Variants in DRD2 observed in about 807,000 individuals in gnomAD.
The protein encoded by DRD2 is dopamine receptor D2.
A neutral mutation model predicts 38.0 loss-of-function variants in DRD2; 8 were observed. The ratio of observed to expected loss-of-function variants is 0.21; its 90% CI spans 0.12 to 0.38. The LOEUF (loss-of-function observed/expected upper bound fraction) is 0.38, where lower values mean the gene tolerates loss of function less well. DRD2 is among the 10% of genes least tolerant of loss of function. The pLI is 1.00. For missense variants in DRD2, 403 were observed against 607.7 expected (o/e 0.66, Z 3.54); for synonymous variants, 230 against 238.6 (o/e 0.96, Z 0.33).
chr11:113,472,507 A>G (rs1951438919), intron 1 of DRD2, among the ~76,000 whole-genome samples: 1 of 152,236 alleles, frequency 6.6e-6, no homozygotes. Context: ...CATTTTCTAG[A>G]CAGAAATAAT....
chr11:113,434,946 A>G (rs1298219125), intron 1 of DRD2, among the ~76,000 whole-genome samples: 1 of 152,138 alleles, frequency 6.6e-6, no homozygotes, highest in African/African-American at 2.4e-5. Context: ...CCCCTGTGTG[A>G]GACTTTGTCT....
intron 1 of DRD2, among the ~76,000 whole-genome samples, chr11:113,451,946 G>C (rs1195368715): frequency 6.6e-6 from 1 of 152,174 alleles, no homozygotes; most frequent in African/African-American, 2.4e-5. Flanking sequence ...CCATAGCTGG[G>C]ATGGATTAGG....
At chr11:113,413,397 G>C in intron 6 of DRD2, 1 of 518,718 alleles carries the variant, frequency 1.9e-6, no homozygotes, top group Non-Finnish European at 3.8e-6. Context: ...GGTGCCAAAA[G>C]GCTGACCCCT....
rs189126732 is a variant in DRD2 at position 113,457,942 on chromosome 11, G to A, written c.-32+17134C>T. ...TGTTCCAAGGGCTGTTCCCCAGTGG[G>A]TGGGACACAGCAGGCCAGCAGCAGC... On this transcript the variant is annotated intron_variant, in intron 1 of 7. Coordinates refer to ENST00000362072, the MANE Select transcript of DRD2 (RefSeq NM_000795.4). 5.6e-3 allele frequency among the ~76,000 whole-genome samples: 858 copies of A among 152,384 alleles called. 14 individuals carry two copies. The highest frequency in any genetic ancestry group is 5.6e-3 in the Non-Finnish European group (381 of 68,042).
chr11:113,448,937 A>G (rs1951183051), intron 1 of DRD2, among the ~76,000 whole-genome samples: 1 of 152,190 alleles, frequency 6.6e-6, no homozygotes, highest in African/African-American at 2.4e-5. Flanking sequence ...ACCATCCTGC[A>G]CATGCCCACC....
At chr11:113,417,040 G>A (rs1420022216) in intron 3 of DRD2, 41 bp from the exon 4 acceptor site, 1 of 1,608,362 alleles carries the variant, frequency 6.2e-7, no homozygotes, top group Non-Finnish European at 8.5e-7. Flanking sequence ...TGCAGGCCCA[G>A]GGACCCCTCA....
At chr11:113,456,826 A>C (rs1008211275) in intron 1 of DRD2, among the ~76,000 whole-genome samples, 4 of 152,224 alleles carry the variant, frequency 2.6e-5, no homozygotes, top group African/African-American at 9.6e-5. Context: ...TCTATTTTAC[A>C]ATAACATAAA....
At chr11:113,450,500 A>G (rs1951200938) in intron 1 of DRD2, among the ~76,000 whole-genome samples, 1 of 152,196 alleles carries the variant, frequency 6.6e-6, no homozygotes, top group Non-Finnish European at 1.5e-5. Context: ...CTCCTCTCCC[A>G]AACCCCACCT....
chr11:113,423,749 A>G (rs1227631605), intron 2 of DRD2, among the ~76,000 whole-genome samples: 1 of 152,164 alleles, frequency 6.6e-6, no homozygotes, highest in Non-Finnish European at 1.5e-5. Context: ...TCTTCCTAAC[A>G]AAAGGGCTAC....
chr11:113,427,999 C>T (rs889085615), intron 1 of DRD2, among the ~76,000 whole-genome samples: 2 of 152,124 alleles, frequency 1.3e-5, no homozygotes, highest in Admixed American at 1.3e-4. Flanking sequence ...AGCAAGAAGG[C>T]GGCCATCTGC....
chr11:113,452,824 T>A lies in DRD2; in HGVS notation c.-32+22252A>T, dbSNP rs547290207. 4.0e-5 allele frequency among the ~76,000 whole-genome samples: 6 copies of A among 151,082 alleles called. No individual in the cohort carries two copies. In the Middle Eastern group the frequency reaches 0.01, roughly 259 times the overall value. ...CACCATGTCCAGCTAATTTTTGTAT[T>A]TTTTTTTAGTAGAGACGGGGTTTCA... On this transcript the variant is annotated intron_variant, in intron 1 of 7. Transcript: ENST00000362072.
intron 1 of DRD2, among the ~76,000 whole-genome samples, chr11:113,447,252 G>A (rs1226634275): frequency 1.3e-5 from 2 of 152,146 alleles, no homozygotes; most frequent in Admixed American, 6.6e-5. Flanking sequence ...TGCTGCTGCT[G>A]CCCTGGAATT....
intron 5 of DRD2, 120 bp from the exon 6 acceptor site, chr11:113,414,581 G>A: frequency 9.9e-7 from 1 of 1,008,756 alleles, no homozygotes; most frequent in Non-Finnish European, 1.6e-6. Context: ...GATCAGGAGG[G>A]TGGGGGCCAG....
At chr11:113,414,091 G>T (rs1950797439) in intron 6 of DRD2, 1 of 473,820 alleles carries the variant, frequency 2.1e-6, no homozygotes. Flanking sequence ...AGATAATAGG[G>T]ATATGGTAGA....
intron 1 of DRD2, among the ~76,000 whole-genome samples, chr11:113,458,457 T>C (rs1951287584): frequency 6.6e-6 from 1 of 152,214 alleles, no homozygotes; most frequent in Non-Finnish European, 1.5e-5. Flanking sequence ...CTCTATGGTT[T>C]CTGTTGGAGA....
chr11:113,431,530 C>G (rs1324618694), intron 1 of DRD2, among the ~76,000 whole-genome samples: 1 of 152,226 alleles, frequency 6.6e-6, no homozygotes, highest in Non-Finnish European at 1.5e-5. Context: ...TTTGCTCTGC[C>G]CTAGCTCAGA....
intron 1 of DRD2, among the ~76,000 whole-genome samples, chr11:113,471,228 T>C (rs1951421405): frequency 6.6e-6 from 1 of 152,154 alleles, no homozygotes; most frequent in Admixed American, 6.5e-5. Context: ...TCCATTTAAG[T>C]ACAGAGGAAA....
chr11:113,439,989 G>A (rs954652887), intron 1 of DRD2, among the ~76,000 whole-genome samples: 5 of 151,766 alleles, frequency 3.3e-5, no homozygotes, highest in Admixed American at 6.6e-5. Flanking sequence ...TTATCCTACA[G>A]GGCTCTCTGA....
chr11:113,412,944 A>G, intron 6 of DRD2, 61 bp from the exon 7 acceptor site: 1 of 1,527,728 alleles, frequency 6.5e-7, no homozygotes, highest in Non-Finnish European at 8.8e-7. Flanking sequence ...TCAGCCACCC[A>G]TCTCACTGGC....
Sources: allele counts gnomAD v4.1 joint callset (sites outside exome capture counted in the v4.1 genomes callset), GRCh38; gene constraint gnomAD v4.1.1; transcripts MANE v1.5; gene names NCBI Gene and HGNC (gene_info 2026-07-23, HGNC 2026-07-21).